The following YAP1 variants were observed in gnomAD, a reference collection of about 807,000 sequenced individuals.
YAP1 encodes transcriptional coactivator YAP1.
Under a neutral mutation model 56.9 loss-of-function variants are expected in YAP1, and 5 were observed. That is an observed-to-expected ratio of 0.09 (90% CI 0.05 to 0.18). The LOEUF (loss-of-function observed/expected upper bound fraction) is 0.18, where lower values mean the gene tolerates loss of function less well. Ranked by LOEUF, YAP1 falls within the 10% of genes least tolerant of loss-of-function variation. The probability of loss-of-function intolerance (pLI) is 1.00; values close to 1 mark genes in which losing one functional copy is unlikely to be tolerated. For synonymous variants in YAP1, 265 were observed against 248.1 expected (o/e 1.07, Z -0.64); for missense variants, 539 against 651.8 (o/e 0.83, Z 1.88).
At chr11:102,203,636 T>C (rs1034816519) in intron 4 of YAP1, among the ~76,000 whole-genome samples, 1 of 152,228 alleles carries the variant, frequency 6.6e-6, no homozygotes, top group Non-Finnish European at 1.5e-5. Flanking sequence ...ATTCATTATC[T>C]GTATTAATTT....
chr11:102,190,214 T>C (rs1039673865), intron 4 of YAP1, among the ~76,000 whole-genome samples: 1 of 152,238 alleles, frequency 6.6e-6, no homozygotes, highest in Non-Finnish European at 1.5e-5. Flanking sequence ...TTTCCCCTTA[T>C]CAACTCAAGT....
chr11:102,120,288 C>T (rs1282621532), intron 2 of YAP1, among the ~76,000 whole-genome samples: 1 of 152,190 alleles, frequency 6.6e-6, no homozygotes, highest in East Asian at 1.9e-4. Context: ...CAGTCCTCCC[C>T]ACCTCCCCTT....
intron 7 of YAP1, among the ~76,000 whole-genome samples, chr11:102,225,353 C>T (rs184573455): frequency 2.0e-4 from 30 of 152,170 alleles, no homozygotes; most frequent in Admixed American, 1.3e-3. Context: ...GGCATGGTCA[C>T]GCATGCCTAT....
At position 102,200,054 on chromosome 11, in the gene YAP1, C is replaced by T. The variant is rs536921829; in HGVS notation, c.803-5839C>T. Reference sequence around the variant, plus strand: ...ATACTACTAAAGTTGTACTTTTGTACATATTGTACATACTAAATAATGTTT... The same window carrying T: ...ATACTACTAAAGTTGTACTTTTGTATATATTGTACATACTAAATAATGTTT... On this transcript the variant is annotated intron_variant, in intron 4 of 8. Coordinates refer to ENST00000282441, the MANE Select transcript of YAP1 (RefSeq NM_001130145.3). Among the ~76,000 whole-genome samples the T allele has an allele frequency of 3.3e-5, 5 of 152,270 alleles. No individual in the cohort carries two copies. In the East Asian group the frequency reaches 9.6e-4, roughly 29 times the overall value.
intron 4 of YAP1, among the ~76,000 whole-genome samples, chr11:102,188,115 C>T (rs1431935450): frequency 1.3e-5 from 2 of 152,158 alleles, no homozygotes; most frequent in Admixed American, 6.5e-5. Flanking sequence ...TGAAGTTTTC[C>T]TTGAAATCAG....
intron 2 of YAP1, among the ~76,000 whole-genome samples, chr11:102,133,068 G>C (rs1944460260): frequency 2.0e-5 from 3 of 152,170 alleles, no homozygotes; most frequent in Admixed American, 2.0e-4. Flanking sequence ...TGAGGCAGGA[G>C]AATCACTTGA....
At chr11:102,211,058 AGT>A (rs1949382430) in intron 6 of YAP1, among the ~76,000 whole-genome samples, 1 of 152,172 alleles carries the variant, frequency 6.6e-6, no homozygotes. Context: ...TCTGGCCTGA[AGT>A]GTTTCTGAAA....
rs1950395622 is a variant in YAP1 at position 102,230,393 on chromosome 11, G to C, written c.*453G>C. The C allele has an allele frequency of 6.3e-6, 1 of 159,292 alleles. No homozygotes were observed. The highest frequency in any genetic ancestry group is 1.4e-5 in the Non-Finnish European group (1 of 72,222). The allele number at this position is 159,292 out of a possible 1,614,324, so 9.9% of individuals were successfully genotyped here. On this transcript the variant is annotated 3_prime_UTR_variant, in exon 9 of 9. Transcript: ENST00000282441. Reference sequence around the variant, plus strand: ...GTGGAAAAACATGATTTACTGGTCTGACAAGCCAAAAATGTTATATCTGAT... The same window carrying C: ...GTGGAAAAACATGATTTACTGGTCTCACAAGCCAAAAATGTTATATCTGAT...
intron 2 of YAP1, among the ~76,000 whole-genome samples, chr11:102,126,836 G>A (rs537647212): frequency 1.3e-5 from 2 of 152,168 alleles, no homozygotes; most frequent in African/African-American, 2.4e-5. Flanking sequence ...CAAAAATGCC[G>A]ATAGTGATGT....
intron 2 of YAP1, among the ~76,000 whole-genome samples, chr11:102,124,439 G>A (rs1012613712): frequency 4.6e-5 from 7 of 152,132 alleles, no homozygotes. Flanking sequence ...CTTCAATATG[G>A]ATGATGCCCC....
intron 2 of YAP1, among the ~76,000 whole-genome samples, chr11:102,126,543 C>T (rs1437374369): frequency 6.6e-6 from 1 of 152,222 alleles, no homozygotes; most frequent in Non-Finnish European, 1.5e-5. Flanking sequence ...GTGCCTCTCA[C>T]CTCCCGCCAT....
intron 2 of YAP1, among the ~76,000 whole-genome samples, chr11:102,154,194 A>G (rs146074865): frequency 2.5e-3 from 385 of 152,292 alleles, no homozygotes; most frequent in Middle Eastern, 6.8e-3. Flanking sequence ...TTCAATTGCA[A>G]CTTAACAGAA....
chr11:102,227,431 A>T (rs1565291146), intron 7 of YAP1, 38 bp from the exon 8 acceptor site: 4 of 1,473,800 alleles, frequency 2.7e-6, no homozygotes, highest in East Asian at 2.3e-5. Flanking sequence ...GATTTTTAAA[A>T]TTTTTTGTGT....
chr11:102,221,220 T>A (rs1949911984), intron 6 of YAP1, among the ~76,000 whole-genome samples: 1 of 152,274 alleles, frequency 6.6e-6, no homozygotes, highest in Admixed American at 6.5e-5. Context: ...AAGAGATCAG[T>A]AAATTTGAGT....
At chr11:102,224,316 TC>T (rs1262780026) in intron 7 of YAP1, among the ~76,000 whole-genome samples, 5 of 152,216 alleles carry the variant, frequency 3.3e-5, no homozygotes, top group South Asian at 4.1e-4. Context: ...TTACCACAAA[TC>T]CTGGGTTTCA....
chr11:102,140,236 A>G (rs939085445), intron 2 of YAP1, among the ~76,000 whole-genome samples: 2 of 152,134 alleles, frequency 1.3e-5, no homozygotes, highest in African/African-American at 2.4e-5. Flanking sequence ...AAAAAATTCA[A>G]TTTCAAGGAA....
At chr11:102,111,828 G>C (rs1197651767) in intron 1 of YAP1, among the ~76,000 whole-genome samples, 2 of 150,658 alleles carry the variant, frequency 1.3e-5, no homozygotes, top group East Asian at 3.9e-4. Flanking sequence ...CCCCCCTCCC[G>C]TTTCCCCTCC....
rs199697850 is a variant in YAP1 at position 102,181,463 on chromosome 11, T to TA, written c.689-4552dup. 7.7e-3 allele frequency among the ~76,000 whole-genome samples: 1,168 copies of TA among 151,804 alleles called. 42 individuals are homozygous for TA. Among genetic ancestry groups the TA allele is most frequent in the East Asian group, 0.068 (350 of 5,134 alleles). On this transcript the variant is annotated intron_variant, in intron 3 of 8. Transcript: ENST00000282441. Reference sequence around the variant, plus strand: ...TCCGTCTCAAAAATAAATAAATAAATAAATAAAATAAAATAATAACTCCTA... The same window carrying TA: ...TCCGTCTCAAAAATAAATAAATAAATAAAATAAAATAAAATAATAACTCCTA...
chr11:102,227,644 T>C (rs576858805), intron 8 of YAP1, 63 bp downstream of exon 8: 1 of 1,099,372 alleles, frequency 9.1e-7, no homozygotes, highest in South Asian at 1.3e-5. Context: ...TCACCAGGTC[T>C]CATAAGGTAT....
Sources: allele counts gnomAD v4.1 joint callset (sites outside exome capture counted in the v4.1 genomes callset), GRCh38; gene constraint gnomAD v4.1.1; transcripts MANE v1.5; gene names NCBI Gene and HGNC (gene_info 2026-07-23, HGNC 2026-07-21).